KHDRBS2: variants seen among roughly 807,000 people sequenced by gnomAD.
KHDRBS2 encodes the protein KH domain-containing, RNA-binding, signal transduction-associated protein 2.
A neutral mutation model predicts 44.3 loss-of-function variants in KHDRBS2; 26 were observed. The ratio of observed to expected loss-of-function variants is 0.59; its 90% confidence interval spans 0.43 to 0.81. The LOEUF (loss-of-function observed/expected upper bound fraction) is 0.81. KHDRBS2 is among the 40% of genes least tolerant of loss of function. The pLI is 0.00. For synonymous variants in KHDRBS2, 194 were observed against 151.1 expected, an observed-to-expected ratio of 1.28 and a Z score of -2.08; for missense variants, 476 against 433.1, an observed-to-expected ratio of 1.10 and a Z score of -0.88.
chr6:61,883,878 T>C (rs2127320054), intron 6 of KHDRBS2, among the ~76,000 whole-genome samples: 1 of 152,086 alleles, frequency 6.6e-6, no homozygotes, highest in African/African-American at 2.4e-5. Flanking sequence ...AACAAGAATG[T>C]TTAATGGAAT....
chr6:62,182,876 T>G (rs372230122), intron 1 of KHDRBS2, among the ~76,000 whole-genome samples: 2 of 151,886 alleles, frequency 1.3e-5, no homozygotes, highest in East Asian at 1.9e-4. Context: ...TAAAGATTAT[T>G]TAATACTCTT....
chr6:62,006,632 A>G (rs1183677167), intron 3 of KHDRBS2, among the ~76,000 whole-genome samples: 1 of 152,044 alleles, frequency 6.6e-6, no homozygotes, highest in Non-Finnish European at 1.5e-5. Flanking sequence ...TCTATTGCTC[A>G]TGGGTGAAAT....
intron 6 of KHDRBS2, among the ~76,000 whole-genome samples, chr6:61,822,109 G>A (rs1790008950): frequency 1.3e-5 from 2 of 151,954 alleles, no homozygotes; most frequent in Admixed American, 1.3e-4. Context: ...ATAAACACCA[G>A]GTGTATGGTT....
At position 61,871,811 on chromosome 6, in the gene KHDRBS2, A is replaced by AT. The variant is rs796774081; in HGVS notation, c.810+22823dup. On this transcript the variant is annotated intron_variant, in intron 6 of 8. Transcript: ENST00000281156. Reference sequence around the variant, plus strand: ...TTTACAGAAAAGCAAATGAGGAGAGATTTTGTCACCACCAGGCCTGCCTTA... The same window carrying AT: ...TTTACAGAAAAGCAAATGAGGAGAGATTTTTGTCACCACCAGGCCTGCCTTA... 1.3e-4 allele frequency among the ~76,000 whole-genome samples: 20 copies of AT among 152,256 alleles called. 1 individual carries two copies. The highest frequency in any genetic ancestry group is 4.8e-4 in the African/African-American group (20 of 41,532).
chr6:62,206,424 G>A (rs1466078200), intron 1 of KHDRBS2, among the ~76,000 whole-genome samples: 1 of 151,976 alleles, frequency 6.6e-6, no homozygotes, highest in Admixed American at 6.6e-5. Flanking sequence ...ATTCTCAGAT[G>A]CCTTGTTATT....
intron 4 of KHDRBS2, among the ~76,000 whole-genome samples, chr6:61,973,216 T>C (rs770571832): frequency 2.6e-5 from 4 of 152,220 alleles, no homozygotes; most frequent in Non-Finnish European, 4.4e-5. Flanking sequence ...CATTTTTATA[T>C]TTATCATCTT....
At chr6:61,828,441 G>C (rs903808296) in intron 6 of KHDRBS2, among the ~76,000 whole-genome samples, 5 of 152,032 alleles carry the variant, frequency 3.3e-5, no homozygotes, top group African/African-American at 1.2e-4. Context: ...GCGGGTGAAG[G>C]GTTATAAGTG....
In KHDRBS2 at chr6:61,681,036, C is replaced by G; in HGVS notation, c.977G>C (p.Arg326Pro). Residue 326 changes from arginine to proline, a missense_variant, in exon 9 of 9, where the codon CGC becomes CCC. Coordinates refer to ENST00000281156, the MANE Select transcript of KHDRBS2 (RefSeq NM_152688.4). ...TTGCGGTGGTGCCTTCAAGCTAGAG[C>G]GGGTTGTGGCCCATTCTTCTGGTGC... Reference protein sequence around the residue: ...SYAPEEWATTRSSLKAPPQRS... With the variant: ...SYAPEEWATTPSSLKAPPQRS... The G allele has an allele frequency of 6.2e-7, 1 of 1,611,338 alleles. No homozygotes were observed. Among genetic ancestry groups the G allele is most frequent in the Non-Finnish European group, 8.5e-7 (1 of 1,178,332 alleles).
At chr6:61,919,104 A>T (rs868748708) in intron 4 of KHDRBS2, among the ~76,000 whole-genome samples, 2 of 151,944 alleles carry the variant, frequency 1.3e-5, no homozygotes, top group Non-Finnish European at 2.9e-5. Flanking sequence ...ATCCTCATAC[A>T]TGTTCATTTA....
chr6:62,254,369 G>A (rs1025174287), intron 1 of KHDRBS2, among the ~76,000 whole-genome samples: 25 of 152,102 alleles, frequency 1.6e-4, no homozygotes, highest in African/African-American at 4.8e-4. Flanking sequence ...GGAGACAGGC[G>A]ATAAGATATG....
intron 1 of KHDRBS2, among the ~76,000 whole-genome samples, chr6:62,257,341 G>C (rs1348707552): frequency 1.3e-5 from 2 of 151,996 alleles, no homozygotes; most frequent in Non-Finnish European, 2.9e-5. Flanking sequence ...CACATAACCA[G>C]TGCTATACAC....
Position 62,286,114 on chromosome 6 carries a change from C to G in KHDRBS2, c.-166G>C. On this transcript the variant is annotated 5_prime_UTR_variant, in exon 1 of 9. Coordinates refer to ENST00000281156, the MANE Select transcript of KHDRBS2 (RefSeq NM_152688.4). ...TGCACCCAGCACCTGCGACTCCCGCCGTCGGGCTGCGTGGCCCCGCGCCCA... is the reference window on the plus strand; with the variant it reads ...TGCACCCAGCACCTGCGACTCCCGCGGTCGGGCTGCGTGGCCCCGCGCCCA... 1 of 578,286 alleles carries G rather than the reference C, an allele frequency of 1.7e-6. No individual in the cohort carries two copies. Among genetic ancestry groups the G allele is most frequent in the South Asian group, 2.1e-5 (1 of 47,526 alleles). The allele number at this position is 578,286 out of a possible 1,614,324, so 35.8% of individuals were successfully genotyped here. A position where few individuals can be genotyped will look rare whatever the true frequency, so the allele number is the denominator to read the frequency against.
chr6:61,767,592 C>G (rs1209938423), intron 6 of KHDRBS2, among the ~76,000 whole-genome samples: 1 of 151,902 alleles, frequency 6.6e-6, no homozygotes, highest in Non-Finnish European at 1.5e-5. Context: ...GTGATTTTCT[C>G]TGGTAGTATA....
intron 2 of KHDRBS2, among the ~76,000 whole-genome samples, chr6:62,129,956 A>G (rs1213316099): frequency 6.6e-6 from 1 of 152,166 alleles, no homozygotes; most frequent in Non-Finnish European, 1.5e-5. Flanking sequence ...GATTATTTGT[A>G]TATAATTAGT....
chr6:62,011,699 GT>G (rs538414156), intron 3 of KHDRBS2, among the ~76,000 whole-genome samples: 2 of 152,086 alleles, frequency 1.3e-5, no homozygotes, highest in Admixed American at 6.6e-5. Context: ...TTTATTGGTA[GT>G]TTTTTTATGA....
chr6:61,937,535 A>T (rs1811257816), intron 4 of KHDRBS2, among the ~76,000 whole-genome samples: 2 of 151,440 alleles, frequency 1.3e-5, no homozygotes, highest in South Asian at 4.2e-4. Flanking sequence ...TTCTTGGGGG[A>T]TTTTGTTAAT....
chr6:62,227,648 T>C (rs376426369), intron 1 of KHDRBS2, among the ~76,000 whole-genome samples: 1 of 152,184 alleles, frequency 6.6e-6, no homozygotes, highest in African/African-American at 2.4e-5. Flanking sequence ...GAGTATGATA[T>C]TGGCTGTGTG....
At chr6:61,616,170 CTAAG>C in the KHDRBS2 span, among the ~76,000 whole-genome samples, 2 of 152,064 alleles carry the variant, frequency 1.3e-5, no homozygotes, top group Non-Finnish European at 2.9e-5. Flanking sequence ...ATTGAATGGG[CTAAG>C]TGAGAATGAG....
chr6:62,190,925 C>G (rs1824466705), intron 1 of KHDRBS2, among the ~76,000 whole-genome samples: 1 of 152,048 alleles, frequency 6.6e-6, no homozygotes, highest in Admixed American at 6.6e-5. Flanking sequence ...CTCTCACTGC[C>G]TCAATTCACT....
Sources: gnomAD v4.1 joint callset for allele counts (sites outside exome capture counted in the v4.1 genomes callset) on GRCh38, gnomAD v4.1.1 for gene constraint, MANE v1.5 for transcripts, NCBI Gene and HGNC (gene_info 2026-07-23, HGNC 2026-07-21) for gene names.